Variants in ANKS1B observed in about 807,000 individuals in gnomAD.
The protein encoded by ANKS1B is ankyrin repeat and sterile alpha motif domain-containing protein 1B.
In ANKS1B, 36 loss-of-function variants were observed where a neutral mutation model predicts 148.3. That is an observed-to-expected ratio of 0.24 (90% CI 0.19 to 0.32). ANKS1B has a LOEUF of 0.32. Ranked by LOEUF, ANKS1B falls within the 10% of genes least tolerant of loss-of-function variation. The probability of loss-of-function intolerance (pLI) is 1.00; values close to 1 mark genes in which losing one functional copy is unlikely to be tolerated. For synonymous variants in ANKS1B, 542 were observed against 560.8 expected, an observed-to-expected ratio of 0.97 and a Z score of 0.47; for missense variants, 1,157 against 1,542.6, an observed-to-expected ratio of 0.75 and a Z score of 4.19.
rs565771614 is a variant in ANKS1B at position 99,899,962 on chromosome 12, G to A, written c.135-74573C>T. On this transcript the variant is annotated intron_variant, in intron 1 of 26. Transcript: ENST00000683438. The stretch of plus-strand genomic sequence containing the variant: ...CGCCCAGGCTGGAGTGCAGTGGCAC[G>A]ATCTCGGCTCACTGCAACCTCCGCT... Among the ~76,000 whole-genome samples, 379 of 151,506 alleles carry A rather than the reference G, an allele frequency of 2.5e-3. 3 individuals carry two copies. Among genetic ancestry groups the A allele is most frequent in the Non-Finnish European group, 4.1e-3 (277 of 67,890 alleles).
At chr12:99,033,016 T>C (rs2099953232) in intron 17 of ANKS1B, among the ~76,000 whole-genome samples, 1 of 152,230 alleles carries the variant, frequency 6.6e-6, no homozygotes, top group African/African-American at 2.4e-5. Context: ...TTGCAAATTA[T>C]TCACCATAAT....
At chr12:99,547,412 A>G (rs969427708) in intron 9 of ANKS1B, among the ~76,000 whole-genome samples, 3 of 152,150 alleles carry the variant, frequency 2.0e-5, no homozygotes, top group African/African-American at 7.2e-5. Flanking sequence ...TAATTCATAA[A>G]AAAGAAACAG....
Position 99,012,617 on chromosome 12 carries a change from A to G in ANKS1B, c.2778+40540T>C, listed in dbSNP as rs146466156. 3.0e-3 allele frequency among the ~76,000 whole-genome samples: 460 copies of G among 152,302 alleles called. 11 individuals carry two copies. Among genetic ancestry groups the G allele is most frequent in the Non-Finnish European group, 1.2e-3 (79 of 68,022 alleles). ...AGGTATTTCCCATCATATGTTTATC[A>G]TACAGCTCAAAATTGATGTCAAGTT... On this transcript the variant is annotated intron_variant, in intron 17 of 26. Coordinates refer to ENST00000683438, the MANE Select transcript of ANKS1B (RefSeq NM_001352186.2).
intron 1 of ANKS1B, among the ~76,000 whole-genome samples, chr12:99,934,043 C>T (rs1164541469): frequency 6.6e-6 from 1 of 151,986 alleles, no homozygotes; most frequent in Non-Finnish European, 1.5e-5. Context: ...TAGTTTTTGT[C>T]CTTCATTCTG....
At position 98,894,834 on chromosome 12, in the gene ANKS1B, C is replaced by T. The variant is rs1231772088; in HGVS notation, c.2779-62698G>A. On this transcript the variant is annotated intron_variant, in intron 17 of 26. Transcript: ENST00000683438. Reference sequence around the variant, plus strand: ...GGAGAGGCGCGGAGCTTGGCCGCGCCGCGCTGCGCCGAGCGCCGGGCTCTC... The same window carrying T: ...GGAGAGGCGCGGAGCTTGGCCGCGCTGCGCTGCGCCGAGCGCCGGGCTCTC... 2.2e-5 allele frequency: 22 copies of T among 982,046 alleles called. No individual in the cohort carries two copies. In the African/African-American group the frequency reaches 3.3e-4, roughly 15 times the overall value. The allele number at this position is 982,046 out of a possible 1,614,324, so 60.8% of individuals were successfully genotyped here.
intron 1 of ANKS1B, among the ~76,000 whole-genome samples, chr12:99,841,123 A>G (rs1748289044): frequency 6.6e-6 from 1 of 152,136 alleles, no homozygotes; most frequent in South Asian, 2.1e-4. Flanking sequence ...CATCTATAAA[A>G]TGAATATACC....
At position 99,267,712 on chromosome 12, in the gene ANKS1B, G is replaced by GT. The variant is rs2076592244; in HGVS notation, c.1757-20849dup. Among the ~76,000 whole-genome samples, 3 of 152,272 alleles carry GT rather than the reference G, an allele frequency of 2.0e-5. No homozygotes were observed. In the South Asian group the frequency reaches 6.2e-4, roughly 32 times the overall value. ...TACAACCAGACATATTATAACATGT[G>GT]TTTTTAAAGAAGTTTTGTGAGCTTC... is the stretch of plus-strand genomic sequence containing the variant. On this transcript the variant is annotated intron_variant, in intron 12 of 26. Transcript: ENST00000683438.
At chr12:98,803,774 G>A (rs559033360) in intron 20 of ANKS1B, among the ~76,000 whole-genome samples, 2 of 152,296 alleles carry the variant, frequency 1.3e-5, no homozygotes, top group South Asian at 2.1e-4. Flanking sequence ...AGTACATTAA[G>A]CATGCAAATC....
chr12:99,305,331 C>A (rs1055730292), intron 12 of ANKS1B, among the ~76,000 whole-genome samples: 7 of 152,082 alleles, frequency 4.6e-5, no homozygotes, highest in Admixed American at 1.3e-4. Flanking sequence ...TTGTATATTT[C>A]TGCTGATATC....
intron 9 of ANKS1B, among the ~76,000 whole-genome samples, chr12:99,560,440 T>A (rs541138942): frequency 6.6e-6 from 1 of 152,242 alleles, no homozygotes; most frequent in East Asian, 1.9e-4. Context: ...TAAAACCTTA[T>A]CCGTATCCAT....
At chr12:99,973,020 A>G (rs1424944039) in intron 1 of ANKS1B, among the ~76,000 whole-genome samples, 1 of 152,210 alleles carries the variant, frequency 6.6e-6, no homozygotes, top group Non-Finnish European at 1.5e-5. Flanking sequence ...GGTTTACTGA[A>G]TATTTTAAGC....
At chr12:99,133,272 C>G (rs2066774327) in intron 15 of ANKS1B, among the ~76,000 whole-genome samples, 1 of 151,984 alleles carries the variant, frequency 6.6e-6, no homozygotes. Context: ...AGGCTGGTCT[C>G]AAACTCCTGA....
chr12:99,888,592 G>A (rs74579554), intron 1 of ANKS1B, among the ~76,000 whole-genome samples: 51 of 152,260 alleles, frequency 3.3e-4, no homozygotes, highest in African/African-American at 1.2e-3. Context: ...ATAGAAATAT[G>A]TAGGCAAAGA....
intron 12 of ANKS1B, among the ~76,000 whole-genome samples, chr12:99,284,640 T>C (rs1004303134): frequency 6.6e-6 from 1 of 152,222 alleles, no homozygotes; most frequent in Non-Finnish European, 1.5e-5. Flanking sequence ...AGTCTCTTCA[T>C]TGCTTCTGTT....
In ANKS1B at chr12:99,242,736, A is replaced by G. The variant is rs147307474; in HGVS notation, c.2419+1606T>C. On this transcript the variant is annotated intron_variant, in intron 14 of 26. Transcript: ENST00000683438. ...CAGAACAGAGGCCTCAGATATAACA[A>G]CACACATCTACAACCATCTGATCTT... is the stretch of plus-strand genomic sequence containing the variant. Among the ~76,000 whole-genome samples, 87 of 152,064 alleles carry G rather than the reference A, an allele frequency of 5.7e-4. 2 individuals carry two copies. In the East Asian group the frequency reaches 0.014, roughly 25 times the overall value.
rs191853955 is a variant in ANKS1B, at chr12:99,513,994, A to G, written c.1273-9353T>C. On this transcript the variant is annotated intron_variant, in intron 9 of 26. Coordinates refer to ENST00000683438, the MANE Select transcript of ANKS1B (RefSeq NM_001352186.2). The stretch of plus-strand genomic sequence containing the variant: ...TTAAACATTTAACACGGTCTCTCAT[A>G]ATATCTCAGAATTTCCTTGCTGAAT... Among the ~76,000 whole-genome samples, 242 of 152,204 alleles carry G rather than the reference A, an allele frequency of 1.6e-3. 3 individuals are homozygous for G. The highest frequency in any genetic ancestry group is 2.6e-3 in the Non-Finnish European group (174 of 67,976).
At chr12:99,816,186 C>A (rs2069108833) in intron 2 of ANKS1B, among the ~76,000 whole-genome samples, 1 of 151,760 alleles carries the variant, frequency 6.6e-6, no homozygotes, top group Admixed American at 6.6e-5. Flanking sequence ...GCCATTCTTG[C>A]AGGAGTAAAG....
chr12:99,085,207 A>G (rs1256470158), intron 15 of ANKS1B, among the ~76,000 whole-genome samples, 184 bp from the exon 16 acceptor site: 1 of 152,174 alleles, frequency 6.6e-6, no homozygotes. Context: ...GAAGTCTAGG[A>G]GAAAGCTCCC....
intron 11 of ANKS1B, among the ~76,000 whole-genome samples, chr12:99,427,324 A>C (rs1436956958): frequency 6.6e-6 from 1 of 152,018 alleles, no homozygotes; most frequent in Non-Finnish European, 1.5e-5. Flanking sequence ...TTGCCCTCAC[A>C]CTGAGCTCCA....
Sources: gnomAD v4.1 joint callset for allele counts (sites outside exome capture counted in the v4.1 genomes callset) on GRCh38, gnomAD v4.1.1 for gene constraint, MANE v1.5 for transcripts, NCBI Gene and HGNC (gene_info 2026-07-23, HGNC 2026-07-21) for gene names.